The following ZNF429 variants were observed in gnomAD, a reference collection of about 807,000 sequenced individuals.
ZNF429 encodes zinc finger protein 429.
A neutral mutation model predicts 56.8 loss-of-function variants in ZNF429; 53 were observed. The ratio of observed to expected loss-of-function variants is 0.93; its 90% CI spans 0.75 to 1.17. The LOEUF is 1.17. Ranked by LOEUF, ZNF429 falls within the 50% of genes most tolerant of loss-of-function variation. ZNF429 has a pLI of 0.00. For synonymous variants in ZNF429, 278 were observed against 264.7 expected (o/e 1.05, Z -0.49); for missense variants, 849 against 788.4 (o/e 1.08, Z -0.92).
intron 1 of ZNF429, among the ~76,000 whole-genome samples, chr19:21,511,938 G>A (rs927661464): frequency 1.3e-5 from 2 of 152,146 alleles, no homozygotes; most frequent in Admixed American, 6.5e-5. Flanking sequence ...CCAGTCAGGC[G>A]TGGCGGTGCG....
chr19:21,530,064 A>G, intron 2 of ZNF429, among the ~76,000 whole-genome samples: 4 of 151,930 alleles, frequency 2.6e-5, no homozygotes, highest in East Asian at 1.9e-4. Context: ...AGTGGCAGGC[A>G]CCTGTAGTCC....
chr19:21,514,726 G>C (rs1014493660), intron 1 of ZNF429, among the ~76,000 whole-genome samples: 5 of 151,288 alleles, frequency 3.3e-5, no homozygotes, highest in African/African-American at 1.2e-4. Flanking sequence ...AGCCTCCCAA[G>C]TAGCTGGGAT....
intron 1 of ZNF429, among the ~76,000 whole-genome samples, chr19:21,511,869 G>A (rs1444277826): frequency 1.3e-5 from 2 of 152,140 alleles, no homozygotes; most frequent in Non-Finnish European, 2.9e-5. Context: ...ACGGTTAGGA[G>A]CTGGAGACCA....
intron 3 of ZNF429, among the ~76,000 whole-genome samples, chr19:21,533,699 A>G: frequency 6.6e-6 from 1 of 151,336 alleles, no homozygotes. Flanking sequence ...TCTGTTGCCC[A>G]GGCTGGAGTG....
intron 1 of ZNF429, among the ~76,000 whole-genome samples, chr19:21,508,524 A>G (rs2032296890): frequency 6.6e-6 from 1 of 152,152 alleles, no homozygotes; most frequent in Admixed American, 6.5e-5. Context: ...GTTCACTTAT[A>G]TTGACTTCAG....
At chr19:21,535,386 TTTC>T in intron 3 of ZNF429, among the ~76,000 whole-genome samples, 12 of 25,366 alleles carry the variant, frequency 4.7e-4, no homozygotes, top group African/African-American at 2.8e-3. Context: ...TCTTTTTTAC[TTTC>T]TTTCTTTCTT....
intron 3 of ZNF429, among the ~76,000 whole-genome samples, chr19:21,531,136 A>AAAAAAAAAAAAAAAAACAAAAC: frequency 1.5e-5 from 2 of 130,108 alleles, no homozygotes; most frequent in African/African-American, 5.8e-5. Flanking sequence ...AAAACCAAAA[A>AAAAAAAAAAAAAAAAACAAAAC]AAAAAAAACA....
chr19:21,532,061 G>A, intron 3 of ZNF429, among the ~76,000 whole-genome samples: 1 of 151,978 alleles, frequency 6.6e-6, no homozygotes, highest in Non-Finnish European at 1.5e-5. Flanking sequence ...ATAAATTTCT[G>A]AAAACAAATT....
chr19:21,512,980 T>A (rs2032571809), intron 1 of ZNF429, among the ~76,000 whole-genome samples: 4 of 151,850 alleles, frequency 2.6e-5, no homozygotes, highest in African/African-American at 7.2e-5. Flanking sequence ...CACACCATTC[T>A]CCTGCCTCAG....
In ZNF429 at chr19:21,539,461, G is replaced by A. The variant is rs1454822034; in HGVS notation, c.*1383G>A. Among the ~76,000 whole-genome samples the A allele has an allele frequency of 6.6e-6, 1 of 151,990 alleles. No homozygotes were observed. The highest frequency in any genetic ancestry group is 1.5e-5 in the Non-Finnish European group (1 of 67,994). On this transcript the variant is annotated 3_prime_UTR_variant, in exon 4 of 4. Coordinates refer to ENST00000358491, the MANE Select transcript of ZNF429 (RefSeq NM_001001415.4). ...TTTTGAGATGGAGTCTCACTTTGTT[G>A]CCTACGTTGGAGTTCAGTGGCACAA...
At chr19:21,530,167 G>C in intron 2 of ZNF429, among the ~76,000 whole-genome samples, 1 of 150,910 alleles carries the variant, frequency 6.6e-6, no homozygotes, top group African/African-American at 2.4e-5. Flanking sequence ...GTCCAGCCTG[G>C]GCAAAAGAGC....
At chr19:21,530,979 G>C in intron 3 of ZNF429, among the ~76,000 whole-genome samples, 1 of 151,698 alleles carries the variant, frequency 6.6e-6, no homozygotes, top group African/African-American at 2.4e-5. Flanking sequence ...GGTGTCACAT[G>C]CCTGCAATCC....
rs894795406 is a variant in ZNF429 at position 21,539,517 on chromosome 19, G to A, written c.*1439G>A. On this transcript the variant is annotated 3_prime_UTR_variant, in exon 4 of 4. Coordinates refer to ENST00000358491, the MANE Select transcript of ZNF429 (RefSeq NM_001001415.4). ...GCTTGCTGCCAACTTCGACCTTTGG[G>A]TTCAAGCAGTTCTCCTGCCACAGCC... is the stretch of plus-strand genomic sequence containing the variant. Among the ~76,000 whole-genome samples the A allele has an allele frequency of 6.6e-6, 1 of 151,746 alleles. No homozygotes were observed. The highest frequency in any genetic ancestry group is 1.5e-5 in the Non-Finnish European group (1 of 67,970).
chr19:21,535,127 T>A, intron 3 of ZNF429, among the ~76,000 whole-genome samples: 2 of 150,692 alleles, frequency 1.3e-5, no homozygotes, highest in African/African-American at 4.9e-5. Context: ...GCGCCCGGCC[T>A]TGTTTTTATT....
At chr19:21,514,314 A>G (rs867964573) in intron 1 of ZNF429, among the ~76,000 whole-genome samples, 1 of 152,140 alleles carries the variant, frequency 6.6e-6, no homozygotes, top group African/African-American at 2.4e-5. Context: ...TCAAACAGGT[A>G]TTTCTTATTC....
chr19:21,527,104 G>A (rs1329150535), intron 1 of ZNF429, among the ~76,000 whole-genome samples: 4 of 152,168 alleles, frequency 2.6e-5, no homozygotes, highest in African/African-American at 9.7e-5. Flanking sequence ...CAAGAGTCCT[G>A]AGTGGAAGGG....
At chr19:21,524,173 C>T (rs948595794) in intron 1 of ZNF429, among the ~76,000 whole-genome samples, 1 of 152,124 alleles carries the variant, frequency 6.6e-6, no homozygotes, top group South Asian at 2.1e-4. Context: ...AAACAAGCAT[C>T]GTAGGAGTGA....
At chr19:21,534,410 C>G in intron 3 of ZNF429, among the ~76,000 whole-genome samples, 1 of 143,400 alleles carries the variant, frequency 7.0e-6, no homozygotes, top group Admixed American at 7.0e-5. Context: ...GGAGCTTACT[C>G]TGTCACCCAG....
At chr19:21,534,669 C>T in intron 3 of ZNF429, among the ~76,000 whole-genome samples, 1 of 152,080 alleles carries the variant, frequency 6.6e-6, no homozygotes, top group Non-Finnish European at 1.5e-5. Flanking sequence ...TGTACCCAGC[C>T]AATATTCCTA....
Sources: gnomAD v4.1 joint callset for allele counts (sites outside exome capture counted in the v4.1 genomes callset) on GRCh38, gnomAD v4.1.1 for gene constraint, MANE v1.5 for transcripts, NCBI Gene and HGNC (gene_info 2026-07-23, HGNC 2026-07-21) for gene names.